The following DOCK4 variants were observed in gnomAD, a reference collection of about 807,000 sequenced individuals.
DOCK4 encodes the protein dedicator of cytokinesis 4, also known as dedicator of cytokinesis protein 4.
DOCK4 carries 97 observed loss-of-function variants against 268.1 expected under a neutral mutation model. The observed-to-expected ratio is 0.36, with a 90% CI of 0.31 to 0.43. The LOEUF (loss-of-function observed/expected upper bound fraction) is 0.43, where lower values mean the gene tolerates loss of function less well. DOCK4 is among the 20% of genes least tolerant of loss of function. The pLI is 1.00. For synonymous variants in DOCK4, 954 were observed against 887.2 expected, an observed-to-expected ratio of 1.08 and a Z score of -1.34; for missense variants, 2,145 against 2,455.7, an observed-to-expected ratio of 0.87 and a Z score of 2.67.
At chr7:112,008,947 C>T (rs750560862) in intron 1 of DOCK4, among the ~76,000 whole-genome samples, 11 of 152,164 alleles carry the variant, frequency 7.2e-5, no homozygotes, top group East Asian at 1.9e-4. Context: ...GAGCTGAGAT[C>T]GTGCCACTGC....
rs1041362509 is a variant in DOCK4, at chr7:111,926,776, G to C, written c.1066+8764C>G. Among the ~76,000 whole-genome samples, 3 of 151,556 alleles carry C rather than the reference G, an allele frequency of 2.0e-5. No homozygotes were observed. In the South Asian group the frequency reaches 6.3e-4, roughly 32 times the overall value. On this transcript the variant is annotated intron_variant, in intron 12 of 52. Coordinates refer to ENST00000428084, the MANE Select transcript of DOCK4 (RefSeq NM_001363540.2). ...TTGAACCCGGGAGGCAGAGGTTGCAGTGAGCCGAGATCATGCCACTGCACT... is the reference window on the plus strand; with the variant it reads ...TTGAACCCGGGAGGCAGAGGTTGCACTGAGCCGAGATCATGCCACTGCACT...
chr7:111,837,994 G>A (rs1259313021), intron 25 of DOCK4, among the ~76,000 whole-genome samples: 2 of 149,306 alleles, frequency 1.3e-5, no homozygotes, highest in Non-Finnish European at 3.0e-5. Flanking sequence ...GCTGAGGCAG[G>A]AGAATTGCTT....
rs117476259 is a variant in DOCK4 at position 112,190,933 on chromosome 7, C to T, written c.37+15169G>A. 3.4e-3 allele frequency among the ~76,000 whole-genome samples: 518 copies of T among 152,280 alleles called. 4 individuals carry two copies. Among genetic ancestry groups the T allele is most frequent in the Non-Finnish European group, 3.4e-3 (231 of 68,008 alleles). ...ATAGATGAAGCAGAATGTGAAGCCC[C>T]AGGTCCCAGCAGAGCAAGGGCTTCC... On this transcript the variant is annotated intron_variant, in intron 1 of 52. Coordinates refer to ENST00000428084, the MANE Select transcript of DOCK4 (RefSeq NM_001363540.2).
At chr7:111,730,012 T>C (rs1260217830) in intron 52 of DOCK4, among the ~76,000 whole-genome samples, 3 of 151,652 alleles carry the variant, frequency 2.0e-5, no homozygotes, top group Non-Finnish European at 2.9e-5. Flanking sequence ...CACATTCTCT[T>C]AATAGAGATA....
At chr7:112,185,511 A>G (rs892679150) in intron 1 of DOCK4, among the ~76,000 whole-genome samples, 21 of 152,168 alleles carry the variant, frequency 1.4e-4, no homozygotes, top group Admixed American at 1.4e-3. Flanking sequence ...GTATTCTACA[A>G]ACAGGAAAGG....
At chr7:111,884,809 T>C (rs1000213721) in intron 16 of DOCK4, among the ~76,000 whole-genome samples, 3 of 152,154 alleles carry the variant, frequency 2.0e-5, no homozygotes, top group African/African-American at 4.8e-5. Context: ...ACTCTTTCAT[T>C]CAACGACAAG....
At chr7:112,033,938 ATAAAC>A (rs1483227085) in intron 1 of DOCK4, among the ~76,000 whole-genome samples, 2 of 152,238 alleles carry the variant, frequency 1.3e-5, no homozygotes, top group Non-Finnish European at 2.9e-5. Flanking sequence ...ATGATAGCAT[ATAAAC>A]TTACAAATCC....
intron 44 of DOCK4, among the ~76,000 whole-genome samples, chr7:111,743,694 G>A (rs1448101686): frequency 6.6e-6 from 1 of 152,144 alleles, no homozygotes; most frequent in Non-Finnish European, 1.5e-5. Flanking sequence ...GTGTACCTTG[G>A]GATTGATGCC....
At chr7:112,050,155 A>G (rs1487028674) in intron 1 of DOCK4, among the ~76,000 whole-genome samples, 1 of 152,120 alleles carries the variant, frequency 6.6e-6, no homozygotes, top group African/African-American at 2.4e-5. Flanking sequence ...CTAAAAGGAG[A>G]CATTCAGCAG....
chr7:111,896,009 G>A (rs910774331), intron 15 of DOCK4, among the ~76,000 whole-genome samples: 5 of 152,168 alleles, frequency 3.3e-5, no homozygotes, highest in African/African-American at 1.2e-4. Context: ...TTACCCCAAA[G>A]TCCCATTGAG....
chr7:111,808,050 T>C (rs1207134207), intron 30 of DOCK4: 6 of 152,168 alleles, frequency 3.9e-5, no homozygotes. Context: ...AGAAAAGATA[T>C]TTTCAGGTCA....
chr7:111,789,121 C>CT (rs1799368465), intron 31 of DOCK4: 1 of 234,500 alleles, frequency 4.3e-6, no homozygotes, highest in African/African-American at 2.2e-5. Context: ...CATCAGGAAA[C>CT]TAACATATCC....
intron 12 of DOCK4, among the ~76,000 whole-genome samples, chr7:111,931,104 G>T (rs1377894886): frequency 6.6e-6 from 1 of 152,096 alleles, no homozygotes; most frequent in Admixed American, 6.5e-5. Flanking sequence ...AAGAGAGAAG[G>T]GTAGAGAAGG....
At chr7:111,896,409 G>C (rs1206277413) in intron 15 of DOCK4, among the ~76,000 whole-genome samples, 1 of 151,474 alleles carries the variant, frequency 6.6e-6, no homozygotes, top group African/African-American at 2.4e-5. Context: ...ATTATTTATA[G>C]ATAGGGAAAT....
intron 1 of DOCK4, among the ~76,000 whole-genome samples, chr7:112,019,360 C>A (rs1802122020): frequency 6.6e-6 from 1 of 152,120 alleles, no homozygotes; most frequent in Non-Finnish European, 1.5e-5. Context: ...TTATTAATGA[C>A]TGTAATTAAA....
chr7:111,863,378 T>G lies in DOCK4; in HGVS notation c.2467A>C (p.Asn823His). ...GKTVESQLYT[N>H]PDSRYILLPV... ...TCCAAGAGACTCACCCTACCTGGGT[T>G]GGTATAAAGCTGGCTTTCCACGGTT... The change falls in exon 23 of 53, where the codon AAC (asparagine) becomes CAC (histidine). Residue 823 changes from asparagine to histidine, a missense_variant. Asn to His is a moderately conservative substitution (Grantham distance 68). Around this residue, in one of 2 missense-constraint regions of DOCK4, gnomAD observed 1,598 missense variants for 1,986.7 expected, o/e 0.80. Transcript: ENST00000428084. The G allele has an allele frequency of 6.2e-7, 1 of 1,613,998 alleles. No individual in the cohort carries two copies. The highest frequency in any genetic ancestry group is 1.1e-5 in the South Asian group (1 of 91,084).
chr7:111,745,683 TAAAAAAA>T (rs781530065), intron 44 of DOCK4, among the ~76,000 whole-genome samples: 6 of 49,614 alleles, frequency 1.2e-4, no homozygotes, highest in African/African-American at 5.4e-4. Context: ...GACTCCGTCT[TAAAAAAA>T]AAAAAAAAAA....
chr7:112,196,462 C>T (rs1820455450), intron 1 of DOCK4, among the ~76,000 whole-genome samples: 1 of 152,184 alleles, frequency 6.6e-6, no homozygotes, highest in African/African-American at 2.4e-5. Context: ...GGTGAAGTGG[C>T]ATCTTCTATA....
chr7:111,887,430 C>T (rs745434560), intron 16 of DOCK4, among the ~76,000 whole-genome samples: 3 of 152,100 alleles, frequency 2.0e-5, no homozygotes, highest in Non-Finnish European at 4.4e-5. Flanking sequence ...CCCCTGGTAA[C>T]ATCAACATTT....
Sources: allele counts gnomAD v4.1 joint callset (sites outside exome capture counted in the v4.1 genomes callset), GRCh38; gene constraint gnomAD v4.1.1; regional missense constraint gnomAD v4.1.1; transcripts MANE v1.5; gene names NCBI Gene and HGNC (gene_info 2026-07-23, HGNC 2026-07-21).